Variants in CLEC17A observed in about 807,000 individuals in gnomAD.
The protein encoded by CLEC17A is C-type lectin domain containing 17A, also known as C-type lectin domain family 17, member A.
A neutral mutation model predicts 61.3 loss-of-function variants in CLEC17A; 37 were observed. That is an observed-to-expected ratio of 0.60 (90% CI 0.46 to 0.79). The LOEUF (loss-of-function observed/expected upper bound fraction) is 0.79, where lower values mean the gene tolerates loss of function less well. Among genes scored for constraint, CLEC17A ranks in the 30% least tolerant of loss-of-function variants. The pLI, the probability that CLEC17A is intolerant of heterozygous loss-of-function variation, is 0.00. For missense variants in CLEC17A, 418 were observed against 464.7 expected (o/e 0.90, Z 0.92); for synonymous variants, 168 against 164.9 (o/e 1.02, Z -0.14).
chr19:14,588,837 C>T (rs1468826910), intron 3 of CLEC17A, among the ~76,000 whole-genome samples: 1 of 151,884 alleles, frequency 6.6e-6, no homozygotes, highest in Non-Finnish European at 1.5e-5. Flanking sequence ...GGCTGTATAT[C>T]CCCCATCTCT....
At chr19:14,581,737 C>T (rs2074184722), upstream of CLEC17A, among the ~76,000 whole-genome samples, 1 of 152,180 alleles carries the variant, frequency 6.6e-6, no homozygotes, top group Admixed American at 6.6e-5. Context: ...ACTGCAACCT[C>T]TACCTCCCGA....
At chr19:14,590,777 C>G (rs1244246592) in intron 3 of CLEC17A, among the ~76,000 whole-genome samples, 1 of 151,978 alleles carries the variant, frequency 6.6e-6, no homozygotes, top group Non-Finnish European at 1.5e-5. Flanking sequence ...GTGTCAACCT[C>G]CTGAGCTCAA....
At chr19:14,598,304 T>TTCTTTCTCTCTCTCTCTCTC (rs1555746763) in intron 10 of CLEC17A, among the ~76,000 whole-genome samples, 1 of 149,114 alleles carries the variant, frequency 6.7e-6, no homozygotes, top group African/African-American at 2.5e-5. Context: ...TGTTCTTTCT[T>TTCTTTCTCTCTCTCTCTCTC]TCTCTCTCTC....
chr19:14,604,290 AC>A (rs1885075931), intron 12 of CLEC17A, among the ~76,000 whole-genome samples: 1 of 152,076 alleles, frequency 6.6e-6, no homozygotes, highest in Non-Finnish European at 1.5e-5. Context: ...GAAATGAGAT[AC>A]CAGATTCTTC....
chr19:14,608,992 G>T (rs2074979287), intron 13 of CLEC17A, among the ~76,000 whole-genome samples: 1 of 151,960 alleles, frequency 6.6e-6, no homozygotes, highest in Non-Finnish European at 1.5e-5. Flanking sequence ...TAGAGACGGG[G>T]TTTCAACATG....
intron 7 of CLEC17A, 77 bp downstream of exon 7, chr19:14,594,877 T>G: frequency 7.3e-7 from 1 of 1,377,486 alleles, no homozygotes; most frequent in Non-Finnish European, 1.0e-6. Flanking sequence ...CAATTTTTAT[T>G]TATTTATTTT....
At chr19:14,587,747 T>C (rs1450817593) in intron 3 of CLEC17A, 56 bp downstream of exon 3, 2 of 1,605,840 alleles carry the variant, frequency 1.2e-6, no homozygotes, top group Non-Finnish European at 1.7e-6. Flanking sequence ...GGGTCTCCAG[T>C]GGGCATTGGT....
chr19:14,609,274 T>G (rs1171063245), intron 13 of CLEC17A, among the ~76,000 whole-genome samples: 1 of 152,208 alleles, frequency 6.6e-6, no homozygotes, highest in East Asian at 1.9e-4. Flanking sequence ...TCTGGTGCTG[T>G]TGACATCCCA....
intron 2 of CLEC17A, among the ~76,000 whole-genome samples, chr19:14,587,411 G>T (rs185940003): frequency 1.3e-5 from 2 of 152,130 alleles, no homozygotes; most frequent in African/African-American, 2.4e-5. Context: ...TGGTGTTAGC[G>T]GTAGCCATGC....
intron 3 of CLEC17A, among the ~76,000 whole-genome samples, chr19:14,591,176 A>G (rs1311498955): frequency 1.4e-5 from 2 of 147,892 alleles, no homozygotes; most frequent in Non-Finnish European, 1.5e-5. Flanking sequence ...TTTTTTTGAG[A>G]CAGAGTTTTG....
chr19:14,584,083 A>AAACAAG (rs1555742670), intron 2 of CLEC17A: 2 of 144,690 alleles, frequency 1.4e-5, no homozygotes, highest in Admixed American at 6.7e-5. Context: ...AAAAAAAAAA[A>AAACAAG]TAGAGGTTTG....
chr19:14,603,949 T>C (rs996970072), intron 12 of CLEC17A, among the ~76,000 whole-genome samples: 22 of 152,214 alleles, frequency 1.4e-4, no homozygotes, highest in Non-Finnish European at 2.5e-4. Context: ...AAGAGTCTTC[T>C]GGTTTTCTGG....
At chr19:14,598,562 C>G (rs764914151) in intron 10 of CLEC17A, among the ~76,000 whole-genome samples, 9 of 152,026 alleles carry the variant, frequency 5.9e-5, no homozygotes, top group Non-Finnish European at 1.0e-4. Flanking sequence ...CAACCTCCCC[C>G]TCCCAGGTTC....
At chr19:14,594,897 A>T in intron 7 of CLEC17A, 97 bp downstream of exon 7, 7 of 1,200,436 alleles carry the variant, frequency 5.8e-6, no homozygotes, top group Non-Finnish European at 7.1e-6. Flanking sequence ...TTTTTGAGAC[A>T]GAGTCTCACT....
chr19:14,592,305 A>G lies in CLEC17A; in HGVS notation c.224A>G (p.Asp75Gly), dbSNP rs1354042720. 8 of 1,601,524 alleles carry G rather than the reference A, an allele frequency of 5.0e-6. No individual in the cohort carries two copies. The highest frequency in any genetic ancestry group is 6.8e-6 in the Non-Finnish European group (8 of 1,174,150). Reference protein sequence around the residue: ...KPGTMEEEEEDDDYENSTPPY... With the variant: ...KPGTMEEEEEGDDYENSTPPY... ...GGGACCATGGAGGAGGAGGAGGAGG[A>G]TGATGACTATGAGAACTCAACACCT... Residue 75 changes from aspartate to glycine, a missense_variant, in exon 4 of 14, where the codon GAT (aspartate) becomes GGT (glycine). By Grantham distance (94) the Asp-to-Gly change is moderately conservative. Transcript: ENST00000417570.
intron 3 of CLEC17A, among the ~76,000 whole-genome samples, chr19:14,590,935 C>T (rs777372446): frequency 6.6e-6 from 1 of 150,594 alleles, no homozygotes; most frequent in Non-Finnish European, 1.5e-5. Context: ...TGGCCTCAAG[C>T]GATCCTCCTG....
upstream of CLEC17A, among the ~76,000 whole-genome samples, chr19:14,582,844 G>A (rs564352518): frequency 4.6e-5 from 7 of 152,130 alleles, no homozygotes; most frequent in Middle Eastern, 3.4e-3. Flanking sequence ...CTGGCCTTAA[G>A]TGATCCATCC....
chr19:14,588,743 G>T (rs1395573797), intron 3 of CLEC17A: 1 of 152,046 alleles, frequency 6.6e-6, no homozygotes, highest in African/African-American at 2.4e-5. Context: ...GAGAGATCCT[G>T]GGGGCCCAAA....
intron 4 of CLEC17A, 64 bp downstream of exon 4, chr19:14,592,422 G>A (rs747763885): frequency 9.1e-5 from 146 of 1,601,144 alleles, no homozygotes; most frequent in Middle Eastern, 6.6e-4. Flanking sequence ...AGGAGGCATT[G>A]GCTGGGCATT....
Sources: gnomAD v4.1 joint callset for allele counts (sites outside exome capture counted in the v4.1 genomes callset) on GRCh38, gnomAD v4.1.1 for gene constraint, MANE v1.5 for transcripts, NCBI Gene and HGNC (gene_info 2026-07-23, HGNC 2026-07-21) for gene names.